Variants in SLC36A4 observed in about 807,000 individuals in gnomAD.
SLC36A4 encodes neutral amino acid uniporter 4.
Under a neutral mutation model 50.5 loss-of-function variants are expected in SLC36A4, and 49 were observed. That is an observed-to-expected ratio of 0.97 (90% CI 0.77 to 1.23). SLC36A4 has a LOEUF of 1.23. Ranked by LOEUF, SLC36A4 falls within the 50% of genes most tolerant of loss-of-function variation. The pLI, the probability that SLC36A4 is intolerant of heterozygous loss-of-function variation, is 0.00. For missense variants in SLC36A4, 611 were observed against 608.4 expected (o/e 1.00, Z -0.05); for synonymous variants, 207 against 206.5 (o/e 1.00, Z -0.02).
chr11:93,153,671 A>G (rs1398992656), intron 10 of SLC36A4, among the ~76,000 whole-genome samples: 1 of 152,136 alleles, frequency 6.6e-6, no homozygotes, highest in Non-Finnish European at 1.5e-5. Flanking sequence ...ATAAGAAAAT[A>G]AGACACTAAA....
intron 1 of SLC36A4, among the ~76,000 whole-genome samples, chr11:93,191,770 T>C (rs1208604362): frequency 6.6e-6 from 1 of 152,140 alleles, no homozygotes; most frequent in Non-Finnish European, 1.5e-5. Context: ...CACAACAGCA[T>C]TATAGGCGAA....
At chr11:93,189,529 T>C (rs534668976) in intron 1 of SLC36A4, among the ~76,000 whole-genome samples, 4 of 152,346 alleles carry the variant, frequency 2.6e-5, no homozygotes, top group Admixed American at 6.5e-5. Flanking sequence ...AGTATGTTAA[T>C]ATTTTTATTC....
chr11:93,154,154 C>T lies in SLC36A4; in HGVS notation c.1161G>A (p.Lys387=), dbSNP rs1307535762. Reference sequence around the variant, plus strand: ...ATCTTATCCCAAATTCACAGATTTGCTTCCATTTAGTATGAAATTTGGATG... The same window carrying T: ...ATCTTATCCCAAATTCACAGATTTGTTTCCATTTAGTATGAAATTTGGATG... ...GITSKFHTKW[K]QICEFGIRSF... Residue 387 remains lysine (K), a synonymous_variant, in exon 10 of 11, where the codon AAG becomes AAA. Coordinates refer to ENST00000326402, the MANE Select transcript of SLC36A4 (RefSeq NM_152313.4). 5 of 1,563,030 alleles carry T rather than the reference C, an allele frequency of 3.2e-6. No homozygotes were observed. Among genetic ancestry groups the T allele is most frequent in the East Asian group, 2.3e-5 (1 of 42,700 alleles).
chr11:93,197,787 C>A lies in SLC36A4; in HGVS notation c.46G>T (p.Glu16Ter), dbSNP rs749640932. The A allele has an allele frequency of 1.3e-6, 2 of 1,586,966 alleles. No individual in the cohort carries two copies. Among genetic ancestry groups the A allele is most frequent in the Non-Finnish European group, 1.7e-6 (2 of 1,173,854 alleles). Reference protein sequence around the residue: ...TPAAAGAARREELDMDVMRPL... With the variant: ...TPAAAGAARR Reference sequence around the variant, plus strand: ...CACGCACAACACCGACCTAGCTCCTCGCGCCTCGCCGCCCCGGCAGCCGCC... The same window carrying A: ...CACGCACAACACCGACCTAGCTCCTAGCGCCTCGCCGCCCCGGCAGCCGCC... Residue 16 changes from glutamate (E) to a stop codon, truncating the protein, a stop_gained, in exon 1 of 11, where the codon GAG becomes TAG. Coordinates refer to ENST00000326402, the MANE Select transcript of SLC36A4 (RefSeq NM_152313.4). LOFTEE classifies it high-confidence loss of function.
chr11:93,162,685 G>T, intron 9 of SLC36A4, 21 bp downstream of exon 9: 1 of 1,559,088 alleles, frequency 6.4e-7, no homozygotes, highest in South Asian at 1.2e-5. Flanking sequence ...AACTAATATT[G>T]ACAAATTCAT....
rs1000342341 is a variant in SLC36A4 at position 93,145,390 on chromosome 11, A to C, written c.*3147T>G. 2 of 152,106 alleles carry C rather than the reference A, an allele frequency of 1.3e-5. No homozygotes were observed. Among genetic ancestry groups the C allele is most frequent in the African/African-American group, 2.4e-5 (1 of 41,456 alleles). 9.4% of individuals were successfully genotyped at this position (152,106 alleles called of 1,614,324 possible). On this transcript the variant is annotated 3_prime_UTR_variant, in exon 11 of 11. Transcript: ENST00000326402. ...CATTTGCTAATACAGACTTGTTTTC[A>C]TTTGGTAACATCATCTAAACTGGTT...
intron 9 of SLC36A4, 123 bp from the exon 10 acceptor site, chr11:93,154,400 T>A: frequency 2.3e-6 from 1 of 432,190 alleles, no homozygotes; most frequent in Non-Finnish European, 4.0e-6. Context: ...CCTTACTAAC[T>A]AAAAATGCTT....
At chr11:93,179,259 A>C (rs1861630285) in intron 6 of SLC36A4, among the ~76,000 whole-genome samples, 1 of 152,180 alleles carries the variant, frequency 6.6e-6, no homozygotes, top group Non-Finnish European at 1.5e-5. Flanking sequence ...CTTCAGAGCC[A>C]ATAACCATAC....
chr11:93,175,728 G>A (rs1316974445), intron 6 of SLC36A4, among the ~76,000 whole-genome samples: 2 of 60,268 alleles, frequency 3.3e-5, no homozygotes, highest in African/African-American at 1.1e-4. Flanking sequence ...TCAGGAGCAG[G>A]TTGTTCAGTT....
chr11:93,166,872 C>T (rs1212621830), intron 7 of SLC36A4: 1 of 152,174 alleles, frequency 6.6e-6, no homozygotes, highest in East Asian at 1.9e-4. Flanking sequence ...ACTGGTGATA[C>T]ATGTCTAAAA....
At chr11:93,159,670 A>G in intron 9 of SLC36A4, 1 of 335,194 alleles carries the variant, frequency 3.0e-6, no homozygotes, top group Non-Finnish European at 4.2e-6. Flanking sequence ...TGAACTAGTA[A>G]AACCTTTAAA....
At chr11:93,177,157 T>C (rs1590967527) in intron 6 of SLC36A4, among the ~76,000 whole-genome samples, 2 of 152,216 alleles carry the variant, frequency 1.3e-5, no homozygotes, top group East Asian at 3.9e-4. Context: ...CGTTTCTTTT[T>C]ATTCTTTTTT....
At chr11:93,194,042 T>C (rs1590995097) in intron 1 of SLC36A4, among the ~76,000 whole-genome samples, 1 of 152,104 alleles carries the variant, frequency 6.6e-6, no homozygotes, top group Non-Finnish European at 1.5e-5. Flanking sequence ...CAGGGAAAAG[T>C]GTATCATATG....
chr11:93,148,339 G>T lies in SLC36A4; in HGVS notation c.*198C>A. On this transcript the variant is annotated 3_prime_UTR_variant, in exon 11 of 11. Coordinates refer to ENST00000326402, the MANE Select transcript of SLC36A4 (RefSeq NM_152313.4). ...TCAGAACTTAATTTTTTGAACTATT[G>T]CTAACACTTAAAAGCAAGGATTTTT... The T allele has an allele frequency of 4.7e-6, 2 of 428,442 alleles. No individual in the cohort carries two copies. The highest frequency in any genetic ancestry group is 2.1e-5 in the African/African-American group (1 of 48,092). 26.5% of individuals were successfully genotyped at this position (428,442 alleles called of 1,614,324 possible). A position where few individuals can be genotyped will look rare whatever the true frequency, so the allele number is the denominator to read the frequency against.
intron 7 of SLC36A4, chr11:93,166,470 T>C (rs1337469113): frequency 2.1e-6 from 2 of 943,322 alleles, no homozygotes; most frequent in Non-Finnish European, 2.5e-6. Flanking sequence ...TGACACTGGC[T>C]TTCTACCTTA....
intron 6 of SLC36A4, among the ~76,000 whole-genome samples, chr11:93,174,076 T>C (rs1286110497): frequency 6.6e-6 from 1 of 151,334 alleles, no homozygotes; most frequent in Non-Finnish European, 1.5e-5. Flanking sequence ...TTCCTACCCA[T>C]GAGCATGGAA....
Position 93,144,826 on chromosome 11 carries a change from A to G in SLC36A4, c.*3711T>C, listed in dbSNP as rs1240067224. ...TCAAATTTTCTTATTAAGGGAAGCT[A>G]GGTGAGCCAAAAAGATCAGACTCAT... On this transcript the variant is annotated 3_prime_UTR_variant, in exon 11 of 11. Coordinates refer to ENST00000326402, the MANE Select transcript of SLC36A4 (RefSeq NM_152313.4). The G allele has an allele frequency of 1.3e-5, 2 of 152,072 alleles. No homozygotes were observed. The highest frequency in any genetic ancestry group is 2.9e-5 in the Non-Finnish European group (2 of 67,964). The allele number at this position is 152,072 out of a possible 1,614,324, so 9.4% of individuals were successfully genotyped here. A position where few individuals can be genotyped will look rare whatever the true frequency, so the allele number is the denominator to read the frequency against.
At chr11:93,149,651 T>A (rs1392151329) in intron 10 of SLC36A4, among the ~76,000 whole-genome samples, 1 of 151,960 alleles carries the variant, frequency 6.6e-6, no homozygotes, top group Non-Finnish European at 1.5e-5. Context: ...TTACTGACAT[T>A]TCGAAAGTGT....
rs559549835 is a variant in SLC36A4, at chr11:93,145,994, C to T, written c.*2543G>A. 3 of 152,008 alleles carry T rather than the reference C, an allele frequency of 2.0e-5. No homozygotes were observed. The highest frequency in any genetic ancestry group is 7.2e-5 in the African/African-American group (3 of 41,496). The allele number at this position is 152,008 out of a possible 1,614,324, so 9.4% of individuals were successfully genotyped here. On this transcript the variant is annotated 3_prime_UTR_variant, in exon 11 of 11. Transcript: ENST00000326402. ...TAGTGTTTCTTGTTGAGAATTAAAA[C>T]TTTCTTCCTTTTTAGCCCCTCTTCT...
Sources: allele counts gnomAD v4.1 joint callset (sites outside exome capture counted in the v4.1 genomes callset), GRCh38; gene constraint gnomAD v4.1.1; transcripts MANE v1.5; gene names NCBI Gene and HGNC (gene_info 2026-07-23, HGNC 2026-07-21).